Variants in SPTAN1 observed in about 807,000 individuals in gnomAD.
SPTAN1 encodes spectrin alpha chain, non-erythrocytic 1.
In SPTAN1, 61 loss-of-function variants were observed where a neutral mutation model predicts 331.3. The ratio of observed to expected loss-of-function variants is 0.18; its 90% confidence interval spans 0.15 to 0.23. SPTAN1 has a LOEUF of 0.23. Among genes scored for constraint, SPTAN1 ranks in the 10% least tolerant of loss-of-function variants. The pLI is 1.00. For missense variants in SPTAN1, 2,043 were observed against 3,147.9 expected, an observed-to-expected ratio of 0.65 and a Z score of 8.40; for synonymous variants, 1,153 against 1,173.9, an observed-to-expected ratio of 0.98 and a Z score of 0.36.
At chr9:128,588,683 G>A (rs1853009453) in intron 20 of SPTAN1, 126 bp from the exon 21 acceptor site, 14 of 1,350,972 alleles carry the variant, frequency 1.0e-5, no homozygotes, top group Non-Finnish European at 1.3e-5. Flanking sequence ...TAGCTTCAGT[G>A]AAGAATTCTC....
In SPTAN1 at chr9:128,623,903, T is replaced by C. The variant is rs190185343; in HGVS notation, c.5833-425T>C. On this transcript the variant is annotated intron_variant, in intron 45 of 56. Transcript: ENST00000372739. ...GAGTTCGAGACCAGCCTGACCAACA[T>C]GGTGAAACCCCCATCTCTACTAAAA... Among the ~76,000 whole-genome samples the C allele has an allele frequency of 8.8e-4, 134 of 151,620 alleles. 1 individual carries two copies. Among genetic ancestry groups the C allele is most frequent in the Admixed American group, 2.3e-3 (35 of 15,242 alleles).
Position 128,578,151 on chromosome 9 carries a change from G to C in SPTAN1, c.1127G>C (p.Trp376Ser). The change falls in exon 9 of 57, where the codon TGG becomes TCG. Residue 376 changes from tryptophan to serine, a missense_variant. Physicochemically the swap from Trp to Ser is radical, Grantham distance 177 (BLOSUM62 -3). Around this residue, in one of 12 missense-constraint regions of SPTAN1, gnomAD observed 1,038 missense variants for 1,531.5 expected, o/e 0.68. Transcript: ENST00000372739. The part of the protein sequence containing the change: ...FLADFRDLTS[W>S]VTEMKALINA... The stretch of plus-strand genomic sequence containing the variant: ...GCTGACTTCCGTGACCTCACCAGCT[G>C]GGTGACTGAGATGAAAGCCCTCATC... The C allele has an allele frequency of 6.2e-7, 1 of 1,614,164 alleles. No homozygotes were observed. The highest frequency in any genetic ancestry group is 8.5e-7 in the Non-Finnish European group (1 of 1,180,034).
intron 27 of SPTAN1, among the ~76,000 whole-genome samples, chr9:128,602,892 C>T (rs1217850752): frequency 2.0e-5 from 3 of 148,056 alleles, no homozygotes; most frequent in African/African-American, 5.0e-5. Flanking sequence ...CACTTTGGTC[C>T]CCCAAAGTGC....
In SPTAN1 at chr9:128,587,154, C is replaced by T. The variant is rs138144532; in HGVS notation, c.2779-452C>T. On this transcript the variant is annotated intron_variant, in intron 19 of 56. Coordinates refer to ENST00000372739, the MANE Select transcript of SPTAN1 (RefSeq NM_001130438.3). ...GGGCTGGAGTACAGTGATGCAATCA[C>T]GACTCCCTACAGCTTTGACCTCCTG... Among the ~76,000 whole-genome samples the T allele has an allele frequency of 5.3e-5, 8 of 152,036 alleles. No individual in the cohort carries two copies. The East Asian group carries it at 7.7e-4, about 15-fold the overall frequency.
In SPTAN1 at chr9:128,633,270, A is replaced by G; in HGVS notation, c.7370A>G (p.Lys2457Arg). The G allele has an allele frequency of 6.2e-7, 1 of 1,614,022 alleles. No individual in the cohort carries two copies. The highest frequency in any genetic ancestry group is 8.5e-7 in the Non-Finnish European group (1 of 1,180,014). ...VSHMKPYVDG[K>R]GRELPTAFDY... The stretch of plus-strand genomic sequence containing the variant: ...CACATGAAGCCCTACGTGGACGGCA[A>G]GGGCCGCGAGCTCCCCACCGCGTTC... Residue 2457 changes from lysine (K) to arginine (R), a missense_variant, in exon 57 of 57, where the codon AAG becomes AGG. By Grantham distance (26) the Lys-to-Arg change is conservative. This residue lies in a region of SPTAN1 where 88 missense variants were observed against 96.5 expected (regional missense o/e 0.91). Coordinates refer to ENST00000372739, the MANE Select transcript of SPTAN1 (RefSeq NM_001130438.3).
At chr9:128,587,507 T>A in intron 19 of SPTAN1, 99 bp from the exon 20 acceptor site, 2 of 922,676 alleles carry the variant, frequency 2.2e-6, no homozygotes, top group South Asian at 2.6e-5. Flanking sequence ...ATTGTGCAAC[T>A]GAGAAAGGCT....
chr9:128,580,785 T>C (rs1418061963), intron 10 of SPTAN1, 137 bp from the exon 11 acceptor site: 7 of 1,194,744 alleles, frequency 5.9e-6, no homozygotes, highest in Non-Finnish European at 8.5e-6. Context: ...GTGAATGTTG[T>C]TTTTCCCCTT....
At position 128,607,863 on chromosome 9, in the gene SPTAN1, A is replaced by G. The variant is rs1174995221; in HGVS notation, c.4158A>G (p.Thr1386=). 1 of 1,613,902 alleles carries G rather than the reference A, an allele frequency of 6.2e-7. No homozygotes were observed. The highest frequency in any genetic ancestry group is 1.3e-5 in the African/African-American group (1 of 74,908). Residue 1386 remains threonine, a synonymous_variant, in exon 33 of 57, where the codon ACA becomes ACG. Coordinates refer to ENST00000372739, the MANE Select transcript of SPTAN1 (RefSeq NM_001130438.3). ...ALLERHQEHR[T]EIDARAGTFQ... The stretch of plus-strand genomic sequence containing the variant: ...CCTCCTTTTGGCAGGAACACCGGAC[A>G]GAAATCGATGCCAGGGCTGGCACTT...
rs1589385774 is a variant in SPTAN1, at chr9:128,625,735, G to A, written c.6070-34G>A. On this transcript the variant is annotated intron_variant, in intron 47 of 56. Coordinates refer to ENST00000372739, the MANE Select transcript of SPTAN1 (RefSeq NM_001130438.3). The surrounding 1 kb of genome is among the most constrained non-coding windows in gnomAD (Gnocchi z 4.1). ...GAAGAGCAAGTTCCAGTCCTGTGGA[G>A]TCACCACAAATTGGCTTGTCACTCC... The A allele has an allele frequency of 6.2e-7, 1 of 1,606,938 alleles. No individual in the cohort carries two copies. Among genetic ancestry groups the A allele is most frequent in the South Asian group, 1.1e-5 (1 of 90,902 alleles).
rs752395675 is a variant in SPTAN1, at chr9:128,626,362, TCC to T, written c.6280-28_6280-27del. The T allele has an allele frequency of 2.7e-4, 441 of 1,611,784 alleles. 1 individual carries two copies. The highest frequency in any genetic ancestry group is 3.6e-4 in the Non-Finnish European group (423 of 1,179,954). On this transcript the variant is annotated intron_variant, in intron 48 of 56. Coordinates refer to ENST00000372739, the MANE Select transcript of SPTAN1 (RefSeq NM_001130438.3). The stretch of plus-strand genomic sequence containing the variant: ...CGTCGGCACGTCCAGCCCTGGCGAC[TCC>T]GCCAACTCAGTCTCTTCTGCTTCCA...
At chr9:128,592,773 T>C (rs917522085) in intron 22 of SPTAN1, among the ~76,000 whole-genome samples, 1 of 152,110 alleles carries the variant, frequency 6.6e-6, no homozygotes, top group Non-Finnish European at 1.5e-5. Flanking sequence ...GCCAGGAAAA[T>C]GAAGGTGAAC....
chr9:128,586,655 A>G (rs1339115182), intron 19 of SPTAN1, among the ~76,000 whole-genome samples: 1 of 152,002 alleles, frequency 6.6e-6, no homozygotes, highest in Non-Finnish European at 1.5e-5. Flanking sequence ...ACATATACCC[A>G]CATACCAACA....
chr9:128,591,588 G>A lies in SPTAN1; in HGVS notation c.3118G>A (p.Gly1040Ser), dbSNP rs796053302. 6.2e-7 allele frequency: 1 copy of A among 1,614,216 alleles called. No individual in the cohort carries two copies. The highest frequency in any genetic ancestry group is 1.3e-5 in the African/African-American group (1 of 75,056). ...CCGGGAGAATCTCCTGGAGGAGCAA[G>A]GCAGCATAGCACTGCGGCAGGAGCA... ...ASRENLLEEQ[G>S]SIALRQEQID... Residue 1040 changes from glycine (G) to serine (S), a missense_variant, in exon 22 of 57, where the codon GGC (glycine) becomes AGC (serine). Coordinates refer to ENST00000372739, the MANE Select transcript of SPTAN1 (RefSeq NM_001130438.3).
rs367706466 is a variant in SPTAN1, at chr9:128,630,385, C to A, written c.6762+10C>A. The A allele has an allele frequency of 1.5e-5, 24 of 1,611,932 alleles. No homozygotes were observed. Among genetic ancestry groups the A allele is most frequent in the Admixed American group, 1.0e-4 (6 of 59,986 alleles). On this transcript the variant is annotated intron_variant, in intron 52 of 56. Coordinates refer to ENST00000372739, the MANE Select transcript of SPTAN1 (RefSeq NM_001130438.3). ...GCTTGAAGCTACCAAAGTAAGTGCC[C>A]GTGGGGCTCTGGCCCAGCAGAGACC...
At chr9:128,574,137 G>T (rs1213482079) in intron 3 of SPTAN1, among the ~76,000 whole-genome samples, 1 of 151,606 alleles carries the variant, frequency 6.6e-6, no homozygotes, top group African/African-American at 2.4e-5. Context: ...CTCTTCTTTT[G>T]TTTTTTTCCC....
chr9:128,559,489 C>A (rs1044241090), intron 1 of SPTAN1, among the ~76,000 whole-genome samples: 1 of 152,220 alleles, frequency 6.6e-6, no homozygotes, highest in African/African-American at 2.4e-5. Context: ...GCACCATACA[C>A]TCGAATCCTG....
At chr9:128,624,761 A>T in intron 46 of SPTAN1, 1 of 566,590 alleles carries the variant, frequency 1.8e-6, no homozygotes, top group Non-Finnish European at 3.1e-6. Context: ...TCATGGCATG[A>T]ACAAAGTTGG....
chr9:128,565,654 C>T (rs1223579482), intron 1 of SPTAN1, among the ~76,000 whole-genome samples: 2 of 152,232 alleles, frequency 1.3e-5, no homozygotes, highest in Non-Finnish European at 2.9e-5. Flanking sequence ...TGGGGCAGCA[C>T]TCTTGACAGG....
intron 29 of SPTAN1, among the ~76,000 whole-genome samples, chr9:128,604,770 A>G (rs1018311548): frequency 2.6e-5 from 4 of 152,088 alleles, no homozygotes; most frequent in Admixed American, 1.3e-4. Context: ...ACCTCTACTA[A>G]AAATAAAAAA....
Sources: gnomAD v4.1 joint callset for allele counts (sites outside exome capture counted in the v4.1 genomes callset) on GRCh38, gnomAD v4.1.1 for gene constraint, gnomAD v4.1.1 regional missense constraint, Gnocchi (gnomAD v3.1) non-coding constraint, MANE v1.5 for transcripts, NCBI Gene and HGNC (gene_info 2026-07-23, HGNC 2026-07-21) for gene names.